Variants in VPS13C observed in about 807,000 individuals in gnomAD.
VPS13C encodes the protein vacuolar protein sorting 13 homolog C.
Under a neutral mutation model 456.8 loss-of-function variants are expected in VPS13C, and 358 were observed. The ratio of observed to expected loss-of-function variants is 0.78; its 90% CI spans 0.72 to 0.86. VPS13C has a LOEUF of 0.86. Ranked by LOEUF, VPS13C falls within the 40% of genes least tolerant of loss-of-function variation. The probability of loss-of-function intolerance (pLI) is 0.00; values close to 1 mark genes in which losing one functional copy is unlikely to be tolerated. For missense variants in VPS13C, 4,818 were observed against 4,385.4 expected (o/e 1.10, Z -2.79); for synonymous variants, 1,578 against 1,486.7 (o/e 1.06, Z -1.41).
intron 6 of VPS13C, among the ~76,000 whole-genome samples, chr15:62,027,946 A>T (rs2047692184): frequency 6.6e-6 from 1 of 152,104 alleles, no homozygotes; most frequent in South Asian, 2.1e-4. Context: ...CTGAATTCAA[A>T]GAAAAATTCC....
chr15:61,981,399 C>T lies in VPS13C; in HGVS notation c.2109G>A (p.Gln703=). 1.2e-6 allele frequency: 2 copies of T among 1,612,688 alleles called. No homozygotes were observed. The highest frequency in any genetic ancestry group is 1.7e-6 in the Non-Finnish European group (2 of 1,179,544). Residue 703 remains glutamine, a synonymous_variant, in exon 22 of 85, where the codon CAG becomes CAA. Transcript: ENST00000644861. ...NLKPSYLVVP[Q]TGFHHEKSDL... ...CTGACTTTTCATGGTGGAAACCCGTCTGTGGAACTACTAGATAAGAAGGCT... is the reference window on the plus strand; with the variant it reads ...CTGACTTTTCATGGTGGAAACCCGTTTGTGGAACTACTAGATAAGAAGGCT...
intron 61 of VPS13C, 114 bp from the exon 62 acceptor site, chr15:61,913,529 A>T (rs1489787898): frequency 7.3e-6 from 6 of 817,072 alleles, no homozygotes; most frequent in Middle Eastern, 2.8e-4. Context: ...GGACACAGAA[A>T]TATATAATCA....
chr15:61,972,722 T>A lies in VPS13C; in HGVS notation c.2660A>T (p.Gln887Leu), dbSNP rs1296068923. The change falls in exon 27 of 85, where the codon CAG (glutamine) becomes CTG (leucine). Residue 887 changes from glutamine to leucine, a missense_variant. Gln to Leu is a moderately radical substitution (Grantham distance 113). Around this residue, in one of 3 missense-constraint regions of VPS13C, gnomAD observed 4,552 missense variants for 4,130.6 expected, o/e 1.10. Transcript: ENST00000644861. ...TGATCCTTTCATACTTTTACAAGTC[T>A]GTGGTTCTCCATCTTCAGCATCAAA... ...EYFDAEDGEP[Q>L]TCKSMKGSEL... 1.2e-6 allele frequency: 2 copies of A among 1,612,864 alleles called. No homozygotes were observed. Among genetic ancestry groups the A allele is most frequent in the Non-Finnish European group, 1.7e-6 (2 of 1,179,514 alleles).
rs760613749 is a variant in VPS13C, at chr15:61,907,278, G to C, written c.9091C>G (p.His3031Asp). 83 of 1,613,754 alleles carry C rather than the reference G, an allele frequency of 5.1e-5. No individual in the cohort carries two copies. Among genetic ancestry groups the C allele is most frequent in the Non-Finnish European group, 6.8e-5 (80 of 1,179,792 alleles). Residue 3031 changes from histidine (H) to aspartate (D), a missense_variant, in exon 66 of 85, where the codon CAT (histidine) becomes GAT (aspartate). Transcript: ENST00000644861. The stretch of plus-strand genomic sequence containing the variant: ...TCAAAAGATACCTTTAACAGATCAT[G>C]TTCCCCAACATTTGCTGCATATGTC... ...TWTYAANVGE[H>D]DLLKDGCGQF...
In VPS13C at chr15:61,867,604, A is replaced by G. The variant is rs2140863572; in HGVS notation, c.10863+1055T>C. 4 of 1,076,826 alleles carry G rather than the reference A, an allele frequency of 3.7e-6. No individual in the cohort carries two copies. The highest frequency in any genetic ancestry group is 4.2e-4 in the Middle Eastern group (1 of 2,408). 66.7% of individuals were successfully genotyped at this position (1,076,826 alleles called of 1,614,324 possible). A position where few individuals can be genotyped will look rare whatever the true frequency, so the allele number is the denominator to read the frequency against. On this transcript the variant is annotated intron_variant, in intron 81 of 84. Coordinates refer to ENST00000644861, the MANE Select transcript of VPS13C (RefSeq NM_020821.3). This position sits in a 1 kb window ranked among gnomAD's most constrained non-coding sequence, Gnocchi z 5.0. ...TTTACCTGAAATGCACATGAACACC[A>G]TAAGATAAAATTTTCGAAATGATAG...
intron 66 of VPS13C, among the ~76,000 whole-genome samples, chr15:61,904,756 A>T (rs1271544710): frequency 6.6e-6 from 1 of 152,174 alleles, no homozygotes; most frequent in South Asian, 2.1e-4. Flanking sequence ...ATGAATGGAT[A>T]AAGAAAATGT....
At chr15:61,938,712 T>C (rs1432853773) in intron 47 of VPS13C, among the ~76,000 whole-genome samples, 1 of 152,198 alleles carries the variant, frequency 6.6e-6, no homozygotes, top group East Asian at 1.9e-4. Context: ...CCCCTGTGAA[T>C]CTACCACCTG....
At chr15:61,865,247 A>G in intron 81 of VPS13C, 1 of 984,306 alleles carries the variant, frequency 1.0e-6, no homozygotes, top group Middle Eastern at 5.2e-4. Flanking sequence ...AATATGAAAA[A>G]GCAAACAAGA....
intron 78 of VPS13C, 141 bp from the exon 79 acceptor site, chr15:61,872,175 A>G (rs564831932): frequency 1.6e-6 from 1 of 606,948 alleles, no homozygotes; most frequent in African/African-American, 1.9e-5. Context: ...AATGTGAACA[A>G]CATACACATA....
intron 2 of VPS13C, among the ~76,000 whole-genome samples, chr15:62,042,731 G>T (rs2048279906): frequency 1.3e-5 from 2 of 151,862 alleles, no homozygotes; most frequent in Non-Finnish European, 2.9e-5. Context: ...TCATCAATTT[G>T]GTTTAACTGG....
Position 61,977,097 on chromosome 15 carries a change from T to A in VPS13C, c.2393A>T (p.Asp798Val), listed in dbSNP as rs1290081253. The change falls in exon 24 of 85, where the codon GAC becomes GTC. Residue 798 changes from aspartate to valine, a missense_variant. Physicochemically the swap from Asp to Val is radical, Grantham distance 152 (BLOSUM62 -3). Transcript: ENST00000644861. ...VELAKAMVEK[D>V]IRMARFKVSG... ...TATACATTACCTGGCCATTCTAATG[T>A]CTTTTTCTACCATGGCCTTAGCCAA... The A allele has an allele frequency of 2.5e-6, 4 of 1,599,218 alleles. No individual in the cohort carries two copies. The highest frequency in any genetic ancestry group is 3.4e-6 in the Non-Finnish European group (4 of 1,173,062).
chr15:61,856,291 C>T lies in VPS13C; in HGVS notation c.11071G>A (p.Val3691Ile), dbSNP rs747914666. ...GGTGTGACATGTTTTCTTACCTTAA[C>T]TGAAATTTTTAGCACATTTTCACTG... ...SVSENVLKIS[V>I]KEQGLFHKKD... is the part of the protein sequence containing the mutation. The change falls in exon 83 of 85, where the codon GTT (valine) becomes ATT (isoleucine). Residue 3691 changes from valine (V) to isoleucine (I), a missense_variant. Val to Ile is a conservative substitution (Grantham distance 29). Around this residue, in one of 3 missense-constraint regions of VPS13C, gnomAD observed 261 missense variants for 234.1 expected, o/e 1.11. Transcript: ENST00000644861. 1.6e-5 allele frequency: 26 copies of T among 1,612,942 alleles called. No individual in the cohort carries two copies. The highest frequency in any genetic ancestry group is 1.3e-4 in the South Asian group (12 of 90,984).
intron 16 of VPS13C, among the ~76,000 whole-genome samples, chr15:61,996,664 A>T (rs573464043): frequency 7.3e-5 from 11 of 151,358 alleles, no homozygotes; most frequent in Non-Finnish European, 1.5e-4. Context: ...AATGCAAACT[A>T]TAAAAAAAAA....
At chr15:61,916,738 T>C (rs1385593673) in intron 60 of VPS13C, among the ~76,000 whole-genome samples, 1 of 152,120 alleles carries the variant, frequency 6.6e-6, no homozygotes, top group African/African-American at 2.4e-5. Flanking sequence ...ATTTATCATA[T>C]ACCATTACTA....
In VPS13C at chr15:61,865,289, T is replaced by C. The variant is rs571956992; in HGVS notation, c.10864-1761A>G. 3.1e-6 allele frequency: 3 copies of C among 977,780 alleles called. No homozygotes were observed. In the East Asian group the frequency reaches 3.4e-4, roughly 112 times the overall value. 60.6% of individuals were successfully genotyped at this position (977,780 alleles called of 1,614,324 possible). ...AAAGCAAAATCTATAATGATGTTTATTACAGCATTATTACTGTTAGTAGAA... is the reference window on the plus strand; with the variant it reads ...AAAGCAAAATCTATAATGATGTTTACTACAGCATTATTACTGTTAGTAGAA... On this transcript the variant is annotated intron_variant, in intron 81 of 84. Coordinates refer to ENST00000644861, the MANE Select transcript of VPS13C (RefSeq NM_020821.3).
At chr15:61,898,070 C>T (rs1214489772) in intron 66 of VPS13C, among the ~76,000 whole-genome samples, 1 of 151,758 alleles carries the variant, frequency 6.6e-6, no homozygotes, top group Non-Finnish European at 1.5e-5. Context: ...TTTGTCACCA[C>T]CAGACATGCC....
At chr15:61,967,566 G>A in intron 28 of VPS13C, 119 bp from the exon 29 acceptor site, 1 of 772,040 alleles carries the variant, frequency 1.3e-6, no homozygotes, top group Non-Finnish European at 2.1e-6. Context: ...TTTGCATATT[G>A]TCATAGCTAT....
chr15:61,874,976 T>A (rs1895307894), intron 76 of VPS13C, 25 bp from the exon 77 acceptor site: 1 of 1,519,180 alleles, frequency 6.6e-7, no homozygotes, highest in Non-Finnish European at 8.8e-7. Context: ...TAAAAAATAA[T>A]CTTATTATTT....
At chr15:62,043,505 C>G (rs891595153) in intron 2 of VPS13C, among the ~76,000 whole-genome samples, 2 of 152,296 alleles carry the variant, frequency 1.3e-5, no homozygotes, top group East Asian at 3.9e-4. Flanking sequence ...ACTAGGGAGG[C>G]TGAGGCAGAA....
Sources: gnomAD v4.1 joint callset for allele counts (sites outside exome capture counted in the v4.1 genomes callset) on GRCh38, gnomAD v4.1.1 for gene constraint, gnomAD v4.1.1 regional missense constraint, Gnocchi (gnomAD v3.1) non-coding constraint, MANE v1.5 for transcripts, NCBI Gene and HGNC (gene_info 2026-07-23, HGNC 2026-07-21) for gene names.